The following PITRM1 variants were observed in gnomAD, a reference collection of about 807,000 sequenced individuals.
PITRM1 encodes the protein presequence protease, mitochondrial.
Under a neutral mutation model 129.9 loss-of-function variants are expected in PITRM1, and 100 were observed. The ratio of observed to expected loss-of-function variants is 0.77; its 90% CI spans 0.65 to 0.91. The LOEUF (loss-of-function observed/expected upper bound fraction) is 0.91. Among genes scored for constraint, PITRM1 ranks in the 40% least tolerant of loss-of-function variants. PITRM1 has a pLI of 0.00. For synonymous variants in PITRM1, 591 were observed against 508.8 expected, an observed-to-expected ratio of 1.16 and a Z score of -2.17; for missense variants, 1,471 against 1,318.3, an observed-to-expected ratio of 1.12 and a Z score of -1.79.
chr10:3,167,592 T>G (rs1368169805), intron 2 of PITRM1, among the ~76,000 whole-genome samples: 2 of 152,350 alleles, frequency 1.3e-5, no homozygotes, highest in South Asian at 2.1e-4. Context: ...TCTCCTGCTT[T>G]TGTGTGCTGT....
intron 23 of PITRM1, chr10:3,141,686 C>T (rs573708165): frequency 8.3e-5 from 39 of 470,538 alleles, no homozygotes; most frequent in African/African-American, 2.2e-4. Flanking sequence ...TCCTTGAAGA[C>T]GCCCGTGGTG....
intron 9 of PITRM1, 93 bp from the exon 10 acceptor site, chr10:3,159,135 T>C (rs1842226493): frequency 9.2e-7 from 1 of 1,087,316 alleles, no homozygotes; most frequent in Non-Finnish European, 1.3e-6. Context: ...CCACTACACA[T>C]CTTTCTAGAA....
chr10:3,162,725 G>C (rs953871957), intron 7 of PITRM1, among the ~76,000 whole-genome samples: 1 of 152,188 alleles, frequency 6.6e-6, no homozygotes, highest in Non-Finnish European at 1.5e-5. Context: ...CAGGAACATG[G>C]CACCCAACAC....
chr10:3,145,352 A>G (rs1840743314), intron 21 of PITRM1: 1 of 471,390 alleles, frequency 2.1e-6, no homozygotes, highest in Non-Finnish European at 3.8e-6. Flanking sequence ...CAGACTACTC[A>G]CTGCAAGGCA....
In PITRM1 at chr10:3,168,264, TTC is replaced by T. The variant is rs1310160490; in HGVS notation, c.160-1224_160-1223del. The stretch of plus-strand genomic sequence containing the variant: ...GCATCATCTACCGCCGCGAAATTAC[TTC>T]TGTTTCCAAGCTCACTGTACTTTGT... On this transcript the variant is annotated intron_variant, in intron 2 of 26. Transcript: ENST00000224949. Among the ~76,000 whole-genome samples the T allele has an allele frequency of 9.2e-5, 14 of 152,348 alleles. No homozygotes were observed. In the South Asian group the frequency reaches 2.1e-3, roughly 23 times the overall value.
intron 10 of PITRM1, among the ~76,000 whole-genome samples, chr10:3,158,468 T>C (rs1305692918): frequency 6.6e-6 from 1 of 152,172 alleles, no homozygotes; most frequent in Admixed American, 6.5e-5. Flanking sequence ...GAGAATGGTG[T>C]GAACCCGGGA....
chr10:3,172,524 G>C (rs371938621), intron 1 of PITRM1, among the ~76,000 whole-genome samples, 193 bp downstream of exon 1: 1 of 152,150 alleles, frequency 6.6e-6, no homozygotes, highest in African/African-American at 2.4e-5. Flanking sequence ...GAGTAGGAAG[G>C]AGCTCCGAGG....
intron 2 of PITRM1, among the ~76,000 whole-genome samples, chr10:3,167,644 C>A (rs1842983105): frequency 1.3e-5 from 2 of 152,216 alleles, no homozygotes; most frequent in African/African-American, 4.8e-5. Context: ...TGCTGAGTGT[C>A]TCCTGCTTTT....
chr10:3,154,667 AT>A (rs1466283465), intron 14 of PITRM1, among the ~76,000 whole-genome samples: 3 of 152,152 alleles, frequency 2.0e-5, no homozygotes, highest in Non-Finnish European at 4.4e-5. Flanking sequence ...CCATGTGTTA[AT>A]TGGGTTGTGT....
intron 1 of PITRM1, 21 bp from the exon 2 acceptor site, chr10:3,170,227 G>A: frequency 6.5e-7 from 1 of 1,547,508 alleles, no homozygotes; most frequent in Non-Finnish European, 8.9e-7. Context: ...AGTCATCTAA[G>A]TTAGATGAGT....
At chr10:3,146,794 T>C (rs548524445) in intron 20 of PITRM1, 93 of 175,422 alleles carry the variant, frequency 5.3e-4, no homozygotes, top group South Asian at 3.1e-3. Context: ...CTGCCAGATG[T>C]TTCCTCAAAG....
chr10:3,138,143 T>C lies in PITRM1; in HGVS notation c.3021-19A>G, dbSNP rs1417059648. 1 of 1,594,374 alleles carries C rather than the reference T, an allele frequency of 6.3e-7. No homozygotes were observed. The highest frequency in any genetic ancestry group is 1.3e-5 in the African/African-American group (1 of 74,564). On this transcript the variant is annotated intron_variant, in intron 26 of 26. Transcript: ENST00000224949. ...GAGGTATCTGAGAGGAAGGCAGGCGTGGTCAGCAAGGACTGGCTTCTGCGT... is the reference window on the plus strand; with the variant it reads ...GAGGTATCTGAGAGGAAGGCAGGCGCGGTCAGCAAGGACTGGCTTCTGCGT...
chr10:3,168,468 G>A (rs1485347724), intron 2 of PITRM1, among the ~76,000 whole-genome samples: 1 of 147,140 alleles, frequency 6.8e-6, no homozygotes, highest in South Asian at 2.1e-4. Context: ...CAGCACTTTG[G>A]AAGGCCAAGG....
chr10:3,169,970 C>A (rs1843200612), intron 2 of PITRM1, 134 bp downstream of exon 2: 2 of 594,124 alleles, frequency 3.4e-6, no homozygotes, highest in South Asian at 4.5e-5. Context: ...TGCCACACAG[C>A]AGGAGCTGGG....
At chr10:3,147,947 G>C (rs763004100) in intron 18 of PITRM1, 40 bp downstream of exon 18, 2 of 1,463,682 alleles carry the variant, frequency 1.4e-6, no homozygotes, top group Non-Finnish European at 1.9e-6. Flanking sequence ...AAGATCTCTA[G>C]TACACCCCAA....
intron 24 of PITRM1, 26 bp downstream of exon 24, chr10:3,140,661 A>C (rs1840094605): frequency 3.8e-6 from 6 of 1,585,356 alleles, no homozygotes; most frequent in South Asian, 1.2e-5. Flanking sequence ...TGTGCATCCC[A>C]ATGTGTGAAC....
At chr10:3,160,005 G>A in intron 8 of PITRM1, 69 bp from the exon 9 acceptor site, 2 of 1,276,422 alleles carry the variant, frequency 1.6e-6, no homozygotes, top group Non-Finnish European at 2.2e-6. Context: ...AGGTTATCTG[G>A]ATACACGAAA....
In PITRM1 at chr10:3,159,842, A is replaced by G. The variant is rs1842293704; in HGVS notation, c.1007+6T>C. ...TCTTGTATGAGCTTTGACAGCATAT[A>G]CTTACTCCGGTAAGAGGAAGCTAAC... On this transcript the variant is annotated splice_donor_region_variant and intron_variant, in intron 9 of 26. Transcript: ENST00000224949. 6.4e-7 allele frequency: 1 copy of G among 1,552,772 alleles called. No homozygotes were observed. Among genetic ancestry groups the G allele is most frequent in the Admixed American group, 1.7e-5 (1 of 57,686 alleles).
intron 16 of PITRM1, chr10:3,148,962 G>T (rs751629791): frequency 6.6e-6 from 1 of 152,308 alleles, no homozygotes; most frequent in African/African-American, 2.4e-5. Context: ...TGCAGAAGGT[G>T]TCACAGCCAC....
Sources: gnomAD v4.1 joint callset for allele counts (sites outside exome capture counted in the v4.1 genomes callset) on GRCh38, gnomAD v4.1.1 for gene constraint, MANE v1.5 for transcripts, NCBI Gene and HGNC (gene_info 2026-07-23, HGNC 2026-07-21) for gene names.